ATRNL1: variants seen among roughly 807,000 people sequenced by gnomAD.
ATRNL1 encodes attractin-like protein 1.
Under a neutral mutation model 182.7 loss-of-function variants are expected in ATRNL1, and 95 were observed. The ratio of observed to expected loss-of-function variants is 0.52; its 90% confidence interval spans 0.44 to 0.62. ATRNL1 has a LOEUF of 0.62. ATRNL1 is among the 20% of genes least tolerant of loss of function. The pLI is 0.00. For missense variants in ATRNL1, 1,471 were observed against 1,679.5 expected, an observed-to-expected ratio of 0.88 and a Z score of 2.17; for synonymous variants, 576 against 568.3, an observed-to-expected ratio of 1.01 and a Z score of -0.19.
intron 20 of ATRNL1, among the ~76,000 whole-genome samples, chr10:115,424,648 A>T (rs1445966280): frequency 6.6e-6 from 1 of 152,158 alleles, no homozygotes; most frequent in Admixed American, 6.5e-5. Flanking sequence ...AACCTAGAGG[A>T]CATTATATTA....
At chr10:115,447,092 C>G (rs1312559736) in intron 21 of ATRNL1, among the ~76,000 whole-genome samples, 9 of 151,454 alleles carry the variant, frequency 5.9e-5, no homozygotes, top group African/African-American at 2.2e-4. Context: ...AAAGGTGTTC[C>G]TAGCATATTT....
chr10:115,285,137 A>G (rs1458947708), intron 14 of ATRNL1, among the ~76,000 whole-genome samples: 1 of 152,180 alleles, frequency 6.6e-6, no homozygotes, highest in Non-Finnish European at 1.5e-5. Context: ...GGGGCAAGAC[A>G]TCTCAGCAGC....
At chr10:115,414,112 C>T (rs1170884) in intron 20 of ATRNL1, among the ~76,000 whole-genome samples, 55,759 of 151,844 alleles carry the variant, frequency 0.37, 11,089 homozygotes, top group African/African-American at 0.52. Flanking sequence ...ATGACATCAA[C>T]ATATTTACTT....
At chr10:115,349,919 G>A (rs1477174072) in intron 19 of ATRNL1, among the ~76,000 whole-genome samples, 3 of 152,030 alleles carry the variant, frequency 2.0e-5, no homozygotes, top group Non-Finnish European at 2.9e-5. Flanking sequence ...TCTTTACTTT[G>A]TTGATTGTTA....
At chr10:115,892,360 A>C (rs1195724561) in intron 28 of ATRNL1, among the ~76,000 whole-genome samples, 2 of 152,208 alleles carry the variant, frequency 1.3e-5, no homozygotes, top group African/African-American at 4.8e-5. Context: ...AGTGTAATAT[A>C]AAAACAATCT....
intron 12 of ATRNL1, 42 bp downstream of exon 12, chr10:115,267,047 C>T (rs782771776): frequency 1.5e-6 from 2 of 1,372,348 alleles, no homozygotes; most frequent in Non-Finnish European, 2.1e-6. Context: ...AGCAAAATTT[C>T]TCTTCTACAG....
At chr10:115,185,629 A>G (rs905915047) in intron 8 of ATRNL1, among the ~76,000 whole-genome samples, 2 of 152,030 alleles carry the variant, frequency 1.3e-5, no homozygotes, top group African/African-American at 4.8e-5. Context: ...TCATTTTGCA[A>G]AAGTCATAGT....
chr10:115,745,758 A>T (rs1447091534), intron 27 of ATRNL1, among the ~76,000 whole-genome samples: 1 of 152,144 alleles, frequency 6.6e-6, no homozygotes, highest in Non-Finnish European at 1.5e-5. Context: ...GGTTTTGAAG[A>T]GACGTAAATT....
At chr10:115,873,824 A>C (rs1951639145) in intron 28 of ATRNL1, among the ~76,000 whole-genome samples, 1 of 152,210 alleles carries the variant, frequency 6.6e-6, no homozygotes. Context: ...TATTTTATTG[A>C]GTGACTTTAT....
intron 26 of ATRNL1, among the ~76,000 whole-genome samples, chr10:115,552,080 A>G (rs1235829330): frequency 6.6e-6 from 1 of 151,416 alleles, no homozygotes; most frequent in Non-Finnish European, 1.5e-5. Flanking sequence ...GCTTAGTAGT[A>G]TCCACAGTTT....
intron 21 of ATRNL1, among the ~76,000 whole-genome samples, chr10:115,428,860 T>C (rs1846022643): frequency 6.6e-6 from 1 of 152,122 alleles, no homozygotes; most frequent in Non-Finnish European, 1.5e-5. Context: ...GGTAGATTCC[T>C]AGCAATGTAT....
chr10:115,334,820 C>G (rs1554936223), intron 19 of ATRNL1, among the ~76,000 whole-genome samples: 1 of 151,978 alleles, frequency 6.6e-6, no homozygotes, highest in African/African-American at 2.4e-5. Context: ...TTTTATTGCA[C>G]AGGGTGGTAG....
intron 26 of ATRNL1, among the ~76,000 whole-genome samples, chr10:115,602,375 G>T (rs150302258): frequency 1.3e-3 from 195 of 152,108 alleles, no homozygotes; most frequent in African/African-American, 4.4e-3. Flanking sequence ...TAAAGTAAAA[G>T]GAAAACTGTT....
chr10:115,487,047 G>A (rs1233833378), intron 24 of ATRNL1, among the ~76,000 whole-genome samples: 1 of 152,126 alleles, frequency 6.6e-6, no homozygotes, highest in Non-Finnish European at 1.5e-5. Context: ...TCAGATGGTT[G>A]TAGATGTGTG....
At chr10:115,392,486 A>T (rs1371015318) in intron 19 of ATRNL1, among the ~76,000 whole-genome samples, 2 of 152,176 alleles carry the variant, frequency 1.3e-5, no homozygotes, top group Non-Finnish European at 2.9e-5. Context: ...CTCTGAACAT[A>T]TTTTGAAGCC....
At chr10:115,456,229 C>A (rs943406948) in intron 21 of ATRNL1, among the ~76,000 whole-genome samples, 1 of 152,098 alleles carries the variant, frequency 6.6e-6, no homozygotes, top group African/African-American at 2.4e-5. Flanking sequence ...AGGCTTGGAA[C>A]CAACCCAAAT....
intron 26 of ATRNL1, among the ~76,000 whole-genome samples, chr10:115,651,758 A>G (rs1316318328): frequency 6.6e-6 from 1 of 152,182 alleles, no homozygotes; most frequent in African/African-American, 2.4e-5. Flanking sequence ...AGAAGATGCA[A>G]TGATACCTTT....
At chr10:115,126,777 G>A (rs1844993827) in intron 3 of ATRNL1, among the ~76,000 whole-genome samples, 1 of 152,144 alleles carries the variant, frequency 6.6e-6, no homozygotes, top group Admixed American at 6.5e-5. Context: ...TATATAATTT[G>A]TTTGTTAGCA....
chr10:115,203,299 G>T (rs1307556564), intron 8 of ATRNL1, among the ~76,000 whole-genome samples: 1 of 152,062 alleles, frequency 6.6e-6, no homozygotes, highest in Non-Finnish European at 1.5e-5. Flanking sequence ...AATAGAGATT[G>T]GTGTTTGCCA....
Sources: allele counts gnomAD v4.1 joint callset (sites outside exome capture counted in the v4.1 genomes callset), GRCh38; gene constraint gnomAD v4.1.1; transcripts MANE v1.5; gene names NCBI Gene and HGNC (gene_info 2026-07-23, HGNC 2026-07-21).